Variants in PAPPA2 observed in about 807,000 individuals in gnomAD.
PAPPA2 encodes pappalysin 2, also known as pappalysin-2.
Under a neutral mutation model 176.4 loss-of-function variants are expected in PAPPA2, and 86 were observed. That is an observed-to-expected ratio of 0.49 (90% CI 0.41 to 0.58). The LOEUF (loss-of-function observed/expected upper bound fraction) is 0.58. Ranked by LOEUF, PAPPA2 falls within the 20% of genes least tolerant of loss-of-function variation. PAPPA2 has a pLI of 0.00. For synonymous variants in PAPPA2, 809 were observed against 852.2 expected (o/e 0.95, Z 0.88); for missense variants, 2,073 against 2,256.9 (o/e 0.92, Z 1.65).
chr1:176,488,513 T>A (rs1373750671), intron 1 of PAPPA2, among the ~76,000 whole-genome samples: 5 of 152,196 alleles, frequency 3.3e-5, no homozygotes, highest in African/African-American at 1.2e-4. Context: ...AGCAGCTGTA[T>A]GACTTAATAC....
At chr1:176,829,476 C>G (rs12142591) in intron 21 of PAPPA2, among the ~76,000 whole-genome samples, 1 of 152,152 alleles carries the variant, frequency 6.6e-6, no homozygotes, top group Non-Finnish European at 1.5e-5. Flanking sequence ...GGGATGAGCA[C>G]GCATGCTGGG....
intron 21 of PAPPA2, among the ~76,000 whole-genome samples, 198 bp downstream of exon 21, chr1:176,800,330 A>C (rs1456454171): frequency 6.6e-6 from 1 of 152,136 alleles, no homozygotes; most frequent in Non-Finnish European, 1.5e-5. Flanking sequence ...TTTTAGCAAA[A>C]TCTTTGGAGA....
intron 3 of PAPPA2, among the ~76,000 whole-genome samples, chr1:176,636,222 G>T (rs942189187): frequency 1.3e-5 from 2 of 152,142 alleles, no homozygotes; most frequent in African/African-American, 4.8e-5. Flanking sequence ...AATTTGCAGA[G>T]ATAATTATAA....
At chr1:176,767,208 G>A (rs1415981387) in intron 15 of PAPPA2, among the ~76,000 whole-genome samples, 3 of 152,184 alleles carry the variant, frequency 2.0e-5, no homozygotes, top group East Asian at 1.9e-4. Context: ...GAATCCACTC[G>A]TGATAGGTGA....
intron 1 of PAPPA2, among the ~76,000 whole-genome samples, chr1:176,528,594 T>G (rs1377522728): frequency 1.3e-5 from 2 of 152,236 alleles, no homozygotes; most frequent in African/African-American, 2.4e-5. Context: ...AAGTGGACTT[T>G]TAGATATGCA....
chr1:176,802,538 C>T (rs527886785), intron 21 of PAPPA2, among the ~76,000 whole-genome samples: 23 of 152,048 alleles, frequency 1.5e-4, no homozygotes, highest in African/African-American at 4.6e-4. Flanking sequence ...AAAGCCAAGC[C>T]GGCCAGGTAG....
intron 3 of PAPPA2, among the ~76,000 whole-genome samples, chr1:176,647,029 C>A (rs1441772779): frequency 1.3e-5 from 2 of 151,566 alleles, no homozygotes; most frequent in African/African-American, 4.8e-5. Context: ...TTCTTACCTA[C>A]TGTATATAAC....
intron 4 of PAPPA2, 116 bp downstream of exon 4, chr1:176,671,231 A>G: frequency 7.4e-7 from 1 of 1,356,820 alleles, no homozygotes; most frequent in Admixed American, 2.2e-5. Flanking sequence ...TTACACAGTG[A>G]ATTAACTGCT....
chr1:176,586,154 G>A lies in PAPPA2; in HGVS notation c.920-8370G>A, dbSNP rs1011575854. On this transcript the variant is annotated intron_variant, in intron 2 of 22. Transcript: ENST00000367662. ...TCACCTCTTCCAATTTTATGAAATAGATTTATAGAAAAAGGCTTATTTCTT... is the reference window on the plus strand; with the variant it reads ...TCACCTCTTCCAATTTTATGAAATAAATTTATAGAAAAAGGCTTATTTCTT... Among the ~76,000 whole-genome samples the A allele has an allele frequency of 1.1e-4, 16 of 152,230 alleles. No individual in the cohort carries two copies. The South Asian group carries it at 2.1e-3, about 20-fold the overall frequency.
At chr1:176,580,843 T>C (rs1652919724) in intron 2 of PAPPA2, among the ~76,000 whole-genome samples, 1 of 151,316 alleles carries the variant, frequency 6.6e-6, no homozygotes, top group Non-Finnish European at 1.5e-5. Flanking sequence ...CTTTTGCCAT[T>C]GAAATGTTTG....
chr1:176,725,628 G>A (rs549733833), intron 12 of PAPPA2, among the ~76,000 whole-genome samples: 1 of 152,272 alleles, frequency 6.6e-6, no homozygotes, highest in Admixed American at 6.5e-5. Context: ...GACATAAGGA[G>A]ATAGAGATAA....
intron 4 of PAPPA2, among the ~76,000 whole-genome samples, chr1:176,680,908 G>T (rs531466265): frequency 6.6e-6 from 1 of 152,252 alleles, no homozygotes; most frequent in East Asian, 1.9e-4. Flanking sequence ...AAGAAACTTT[G>T]TTCGAATAAA....
chr1:176,465,506 T>C (rs752440052), intron 1 of PAPPA2, among the ~76,000 whole-genome samples: 3 of 152,224 alleles, frequency 2.0e-5, no homozygotes, highest in Admixed American at 6.5e-5. Flanking sequence ...TGGGCACATA[T>C]ATCACCTGTT....
intron 12 of PAPPA2, among the ~76,000 whole-genome samples, chr1:176,738,784 C>T (rs927912093): frequency 2.0e-5 from 3 of 152,148 alleles, no homozygotes; most frequent in Non-Finnish European, 4.4e-5. Context: ...ACTGGAGTCT[C>T]AGCAGTAGCA....
At chr1:176,722,419 C>CTTTTTTTTTTTTTTTTT (rs34221424) in intron 12 of PAPPA2, among the ~76,000 whole-genome samples, 7 of 124,018 alleles carry the variant, frequency 5.6e-5, no homozygotes, top group Admixed American at 8.3e-5. Context: ...TATACATTTC[C>CTTTTTTTTTTTTTTTTT]TTTTTTTTTT....
At chr1:176,472,076 T>C (rs1408054510) in intron 1 of PAPPA2, among the ~76,000 whole-genome samples, 1 of 152,248 alleles carries the variant, frequency 6.6e-6, no homozygotes, top group African/African-American at 2.4e-5. Flanking sequence ...TGCAGAATAT[T>C]ATTGCATATT....
At chr1:176,772,579 C>T (rs1001091451) in intron 17 of PAPPA2, among the ~76,000 whole-genome samples, 1 of 152,150 alleles carries the variant, frequency 6.6e-6, no homozygotes, top group African/African-American at 2.4e-5. Flanking sequence ...AAGACCAAGC[C>T]CATACCCTGC....
At chr1:176,514,683 G>C (rs1302424898) in intron 1 of PAPPA2, among the ~76,000 whole-genome samples, 4 of 152,232 alleles carry the variant, frequency 2.6e-5, no homozygotes, top group Non-Finnish European at 4.4e-5. Context: ...ACGAGGTGTA[G>C]ACTTATTTAT....
At chr1:176,704,091 C>T (rs933054981) in intron 9 of PAPPA2, among the ~76,000 whole-genome samples, 2 of 152,116 alleles carry the variant, frequency 1.3e-5, no homozygotes, top group Admixed American at 1.3e-4. Flanking sequence ...GGTGGCCACC[C>T]TGCAGCCCCA....
Sources: gnomAD v4.1 joint callset for allele counts (sites outside exome capture counted in the v4.1 genomes callset) on GRCh38, gnomAD v4.1.1 for gene constraint, MANE v1.5 for transcripts, NCBI Gene and HGNC (gene_info 2026-07-23, HGNC 2026-07-21) for gene names.